Variants in RGS7 observed in about 807,000 individuals in gnomAD.
RGS7 encodes regulator of G protein signaling 7.
A neutral mutation model predicts 81.1 loss-of-function variants in RGS7; 27 were observed. That is an observed-to-expected ratio of 0.33 (90% CI 0.25 to 0.46). The LOEUF is 0.46. Among genes scored for constraint, RGS7 ranks in the 20% least tolerant of loss-of-function variants. The pLI is 1.00. For synonymous variants in RGS7, 208 were observed against 207.7 expected, an observed-to-expected ratio of 1.00 and a Z score of -0.01; for missense variants, 396 against 607.4, an observed-to-expected ratio of 0.65 and a Z score of 3.66.
chr1:241,171,113 T>C (rs913855223), intron 2 of RGS7, among the ~76,000 whole-genome samples: 1 of 152,238 alleles, frequency 6.6e-6, no homozygotes, highest in African/African-American at 2.4e-5. Flanking sequence ...TTATGTTCAT[T>C]ATGTTCTATT....
At chr1:241,264,038 T>A (rs1021043635) in intron 2 of RGS7, among the ~76,000 whole-genome samples, 3 of 152,190 alleles carry the variant, frequency 2.0e-5, no homozygotes, top group Non-Finnish European at 2.9e-5. Context: ...TCATGTTGCT[T>A]AATAGTAACC....
rs760185398 is a variant in RGS7 at position 241,205,465 on chromosome 1, CT to C, written c.79-106704del. Among the ~76,000 whole-genome samples, 347 of 143,838 alleles carry C rather than the reference CT, an allele frequency of 2.4e-3. 1 individual carries two copies. Among genetic ancestry groups the C allele is most frequent in the African/African-American group, 4.0e-3 (159 of 39,614 alleles). The allele number at this position is 143,838 out of a possible 152,430, so 94.4% of individuals were successfully genotyped here. A position where few individuals can be genotyped will look rare whatever the true frequency, so the allele number is the denominator to read the frequency against. ...AATTAATTAGCATTTGTAGGATATA[CT>C]TTTTTTTTTTTTGAGACAGAGTCTT... On this transcript the variant is annotated intron_variant, in intron 2 of 18. Coordinates refer to ENST00000440928, the MANE Select transcript of RGS7 (RefSeq NM_001364886.1).
chr1:240,913,299 A>G (rs549102255), intron 6 of RGS7, among the ~76,000 whole-genome samples: 1 of 152,224 alleles, frequency 6.6e-6, no homozygotes, highest in African/African-American at 2.4e-5. Context: ...ATTCATATAC[A>G]TGCATACCTA....
intron 3 of RGS7, among the ~76,000 whole-genome samples, chr1:241,088,658 T>C (rs1265042639): frequency 6.6e-6 from 1 of 152,148 alleles, no homozygotes; most frequent in African/African-American, 2.4e-5. Context: ...GTAATACTAA[T>C]ACCTTCAGCA....
chr1:240,894,363 C>T (rs781614836), intron 6 of RGS7, among the ~76,000 whole-genome samples: 1 of 152,130 alleles, frequency 6.6e-6, no homozygotes, highest in Admixed American at 6.6e-5. Flanking sequence ...ACTACCTCAA[C>T]TATGATTTCA....
intron 2 of RGS7, among the ~76,000 whole-genome samples, chr1:241,191,939 T>G (rs2072686563): frequency 6.6e-6 from 1 of 152,228 alleles, no homozygotes; most frequent in East Asian, 1.9e-4. Context: ...TTCAGGCTCC[T>G]TCCTGGGCTG....
intron 6 of RGS7, among the ~76,000 whole-genome samples, chr1:240,895,944 C>A (rs1487255351): frequency 6.6e-6 from 1 of 152,198 alleles, no homozygotes; most frequent in Non-Finnish European, 1.5e-5. Context: ...TCCTCTCCAG[C>A]AACTGTTGTT....
intron 2 of RGS7, among the ~76,000 whole-genome samples, chr1:241,104,036 C>G (rs1255788503): frequency 1.3e-5 from 2 of 152,182 alleles, no homozygotes; most frequent in African/African-American, 4.8e-5. Flanking sequence ...TACAAGCCAT[C>G]TGAACAGGTG....
chr1:241,096,476 C>T (rs1020411874), intron 3 of RGS7, among the ~76,000 whole-genome samples: 11 of 151,940 alleles, frequency 7.2e-5, no homozygotes, highest in East Asian at 1.9e-4. Context: ...AGGCAGAGCA[C>T]GCCTGCAAAG....
intron 2 of RGS7, among the ~76,000 whole-genome samples, chr1:241,280,952 C>T (rs555684067): frequency 6.6e-6 from 1 of 152,164 alleles, no homozygotes; most frequent in South Asian, 2.1e-4. Flanking sequence ...TATTCAGGTC[C>T]ATTTATATGC....
At chr1:241,063,453 A>AT in intron 3 of RGS7, among the ~76,000 whole-genome samples, 1 of 152,176 alleles carries the variant, frequency 6.6e-6, no homozygotes. Context: ...CCACACAGAG[A>AT]TTCAGAGCAG....
At chr1:240,910,352 G>T (rs1479146656) in intron 6 of RGS7, among the ~76,000 whole-genome samples, 1 of 152,122 alleles carries the variant, frequency 6.6e-6, no homozygotes, top group Non-Finnish European at 1.5e-5. Context: ...GTTAAATAAC[G>T]CATGTGCTCA....
chr1:240,793,611 A>ATATATATATATATATATATATATTTTTT, intron 18 of RGS7, among the ~76,000 whole-genome samples: 4 of 78,790 alleles, frequency 5.1e-5, no homozygotes, highest in African/African-American at 9.7e-5. Context: ...ATATATATAT[A>ATATATATATATATATATATATATTTTTT]TTTTTTTTTT....
intron 6 of RGS7, among the ~76,000 whole-genome samples, chr1:240,909,068 C>T (rs1021713906): frequency 1.3e-5 from 2 of 152,296 alleles, no homozygotes; most frequent in African/African-American, 4.8e-5. Context: ...TGAATGCACA[C>T]GTCCTTGGAT....
chr1:241,172,995 G>A (rs2070840912), intron 2 of RGS7, among the ~76,000 whole-genome samples: 1 of 152,136 alleles, frequency 6.6e-6, no homozygotes, highest in Admixed American at 6.6e-5. Context: ...AAAGCATAGA[G>A]CAGCTATTGC....
At chr1:241,109,773 C>T (rs1175945722) in intron 2 of RGS7, among the ~76,000 whole-genome samples, 1 of 151,968 alleles carries the variant, frequency 6.6e-6, no homozygotes, top group Non-Finnish European at 1.5e-5. Context: ...GCCTGACGAA[C>T]ATGGTGAAAC....
intron 2 of RGS7, among the ~76,000 whole-genome samples, chr1:241,117,201 T>C (rs1558739703): frequency 6.6e-6 from 1 of 152,216 alleles, no homozygotes; most frequent in Non-Finnish European, 1.5e-5. Flanking sequence ...AAAAGACATA[T>C]CATACTGACT....
intron 9 of RGS7, among the ~76,000 whole-genome samples, chr1:240,859,015 G>C (rs1240074224): frequency 6.6e-6 from 1 of 152,164 alleles, no homozygotes; most frequent in Non-Finnish European, 1.5e-5. Flanking sequence ...AATGAGTTAG[G>C]AGGTAGCCAC....
chr1:240,937,804 A>C (rs1366024166), intron 4 of RGS7, among the ~76,000 whole-genome samples: 1 of 152,206 alleles, frequency 6.6e-6, no homozygotes, highest in African/African-American at 2.4e-5. Context: ...TGCACTATTG[A>C]ATCTACAGAC....
Sources: gnomAD v4.1 joint callset for allele counts (sites outside exome capture counted in the v4.1 genomes callset) on GRCh38, gnomAD v4.1.1 for gene constraint, MANE v1.5 for transcripts, NCBI Gene and HGNC (gene_info 2026-07-23, HGNC 2026-07-21) for gene names.